Variants in WWC2 observed in about 807,000 individuals in gnomAD.
WWC2 encodes protein WWC2.
A neutral mutation model predicts 138.5 loss-of-function variants in WWC2; 101 were observed. The observed-to-expected ratio is 0.73, with a 90% CI of 0.62 to 0.86. WWC2 has a LOEUF of 0.86. Among genes scored for constraint, WWC2 ranks in the 40% least tolerant of loss-of-function variants. WWC2 has a pLI of 0.00. For missense variants in WWC2, 1,420 were observed against 1,419.4 expected (o/e 1.00, Z -0.01); for synonymous variants, 558 against 538.4 (o/e 1.04, Z -0.50).
chr4:183,204,416 A>G (rs984984860), intron 2 of WWC2, among the ~76,000 whole-genome samples: 3 of 152,194 alleles, frequency 2.0e-5, no homozygotes, highest in South Asian at 2.1e-4. Flanking sequence ...TAAGAGAGGT[A>G]AAATACTTAG....
chr4:183,261,117 T>C lies in WWC2; in HGVS notation c.1494T>C (p.Pro498=), dbSNP rs1560872621. The stretch of plus-strand genomic sequence containing the variant: ...TGCAAGAGAAAAGCGGTTACATTCC[T>C]TCTGGACCCATCACCACCATCCATG... The part of the protein sequence containing the change: ...FLLQEKSGYI[P]SGPITTIHEN... The change falls in exon 11 of 23, where the codon CCT becomes CCC. Residue 498 remains proline (P), a synonymous_variant. Coordinates refer to ENST00000403733, the MANE Select transcript of WWC2 (RefSeq NM_024949.6). 1 of 1,614,024 alleles carries C rather than the reference T, an allele frequency of 6.2e-7. No individual in the cohort carries two copies. Among genetic ancestry groups the C allele is most frequent in the East Asian group, 2.2e-5 (1 of 44,884 alleles).
rs1298708436 is a variant in WWC2, at chr4:183,318,013, A to G, written c.*2284A>G. The G allele has an allele frequency of 6.6e-6, 1 of 152,212 alleles. No homozygotes were observed. The highest frequency in any genetic ancestry group is 1.5e-5 in the Non-Finnish European group (1 of 68,020). The allele number at this position is 152,212 out of a possible 1,614,324, so 9.4% of individuals were successfully genotyped here. A position where few individuals can be genotyped will look rare whatever the true frequency, so the allele number is the denominator to read the frequency against. Reference sequence around the variant, plus strand: ...TTAATAATCTTGTCATATTTGTACTAACCCAAATGATTCACAGTGACAAAA... The same window carrying G: ...TTAATAATCTTGTCATATTTGTACTGACCCAAATGATTCACAGTGACAAAA... On this transcript the variant is annotated 3_prime_UTR_variant, in exon 23 of 23. Coordinates refer to ENST00000403733, the MANE Select transcript of WWC2 (RefSeq NM_024949.6).
At chr4:183,133,722 C>T (rs1278195947) in intron 1 of WWC2, among the ~76,000 whole-genome samples, 1 of 152,166 alleles carries the variant, frequency 6.6e-6, no homozygotes, top group Non-Finnish European at 1.5e-5. Context: ...GTCTTGAACT[C>T]CTCACCTCGT....
intron 1 of WWC2, among the ~76,000 whole-genome samples, chr4:183,116,772 A>G (rs192548242): frequency 4.6e-5 from 7 of 152,342 alleles, no homozygotes; most frequent in Middle Eastern, 3.4e-3. Flanking sequence ...GAATTAAACT[A>G]TTACTTTTTC....
At chr4:183,307,682 T>A (rs904856613) in intron 21 of WWC2, among the ~76,000 whole-genome samples, 1 of 152,180 alleles carries the variant, frequency 6.6e-6, no homozygotes, top group Non-Finnish European at 1.5e-5. Flanking sequence ...CTGCTCATGC[T>A]AAAAATAACT....
chr4:183,122,968 A>G (rs779379934), intron 1 of WWC2, among the ~76,000 whole-genome samples: 1 of 152,240 alleles, frequency 6.6e-6, no homozygotes, highest in Non-Finnish European at 1.5e-5. Context: ...AACTGCAATG[A>G]AAGACCATTT....
In WWC2 at chr4:183,259,713, A is replaced by C; in HGVS notation, c.1271A>C (p.His424Pro). 6.5e-7 allele frequency: 1 copy of C among 1,546,572 alleles called. No individual in the cohort carries two copies. The highest frequency in any genetic ancestry group is 1.2e-5 in the South Asian group (1 of 81,812). The change falls in exon 10 of 23, where the codon CAT becomes CCT. Residue 424 changes from histidine (H) to proline (P), a missense_variant. Coordinates refer to ENST00000403733, the MANE Select transcript of WWC2 (RefSeq NM_024949.6). ...ACTACTAAATTAACTACTTATTTGC[A>C]TTCACAACTTAAAAGGTGAGCTTAT... Reference protein sequence around the residue: ...EETTKLTTYLHSQLKSLSAST... With the variant: ...EETTKLTTYLPSQLKSLSAST...
At chr4:183,226,095 C>CTT (rs11321151) in intron 4 of WWC2, among the ~76,000 whole-genome samples, 72 of 113,496 alleles carry the variant, frequency 6.3e-4, no homozygotes, top group Admixed American at 8.4e-4. Context: ...CTTTTCTTTT[C>CTT]TTTTTTTTTT....
In WWC2 at chr4:183,253,905, C is replaced by G. The variant is rs1206112578; in HGVS notation, c.1102C>G (p.Gln368Glu). The change falls in exon 9 of 23, where the codon CAA (glutamine) becomes GAA (glutamate). Residue 368 changes from glutamine to glutamate, a missense_variant. Gln to Glu is a conservative substitution (Grantham distance 29). Transcript: ENST00000403733. ...LQFVTPQKRT[Q>E]DELERLEAER... ...GTTCGTCACCCCACAGAAACGTACCCAAGATGAATTAGAACGCCTAGAAGC... is the reference window on the plus strand; with the variant it reads ...GTTCGTCACCCCACAGAAACGTACCGAAGATGAATTAGAACGCCTAGAAGC... The G allele has an allele frequency of 6.2e-7, 1 of 1,613,690 alleles. No homozygotes were observed. Among genetic ancestry groups the G allele is most frequent in the South Asian group, 1.1e-5 (1 of 91,058 alleles).
chr4:183,254,738 C>T (rs750609783), intron 9 of WWC2, among the ~76,000 whole-genome samples: 38 of 152,244 alleles, frequency 2.5e-4, no homozygotes, highest in Non-Finnish European at 5.1e-4. Context: ...TGAGAACGAC[C>T]GCATGTACAT....
intron 1 of WWC2, among the ~76,000 whole-genome samples, chr4:183,172,632 G>A (rs749209837): frequency 1.3e-4 from 20 of 150,088 alleles, no homozygotes; most frequent in Non-Finnish European, 2.4e-4. Context: ...AAGTTTTTGG[G>A]TTTTGTTTTT....
At chr4:183,271,882 T>A (rs1737705489) in intron 16 of WWC2, among the ~76,000 whole-genome samples, 1 of 152,152 alleles carries the variant, frequency 6.6e-6, no homozygotes, top group Non-Finnish European at 1.5e-5. Flanking sequence ...GGTGCACGCC[T>A]GAAGTCCTTG....
chr4:183,282,915 T>C lies in WWC2; in HGVS notation c.2883+9T>C. 1 of 1,566,376 alleles carries C rather than the reference T, an allele frequency of 6.4e-7. No individual in the cohort carries two copies. The highest frequency in any genetic ancestry group is 8.7e-7 in the Non-Finnish European group (1 of 1,155,054). ...CTAGAATACCAACACTGGTGACTAT[T>C]CCGCTGTGCTGTCTTAAAACTGATA... On this transcript the variant is annotated intron_variant, in intron 18 of 22. Coordinates refer to ENST00000403733, the MANE Select transcript of WWC2 (RefSeq NM_024949.6).
chr4:183,140,999 A>G (rs1265026972), intron 1 of WWC2, among the ~76,000 whole-genome samples: 1 of 152,204 alleles, frequency 6.6e-6, no homozygotes, highest in Non-Finnish European at 1.5e-5. Context: ...TGTGCTCTGA[A>G]TAAGTGTAGC....
At chr4:183,250,861 T>G (rs1258307799) in intron 8 of WWC2, among the ~76,000 whole-genome samples, 1 of 152,204 alleles carries the variant, frequency 6.6e-6, no homozygotes, top group African/African-American at 2.4e-5. Context: ...GAACCAGATA[T>G]TGAAGTATAT....
At chr4:183,286,942 G>A (rs1424884721) in intron 20 of WWC2, among the ~76,000 whole-genome samples, 1 of 152,118 alleles carries the variant, frequency 6.6e-6, no homozygotes, top group African/African-American at 2.4e-5. Context: ...TGGTAGCTTT[G>A]GGGCAGGGTG....
intron 1 of WWC2, among the ~76,000 whole-genome samples, chr4:183,129,029 C>G (rs1446706162): frequency 6.6e-6 from 1 of 152,146 alleles, no homozygotes; most frequent in African/African-American, 2.4e-5. Context: ...GATTATTTGG[C>G]TCAACATAAG....
intron 19 of WWC2, 28 bp from the exon 20 acceptor site, chr4:183,285,939 A>ATT: frequency 1.4e-6 from 2 of 1,443,998 alleles, no homozygotes; most frequent in Non-Finnish European, 9.5e-7. Flanking sequence ...ATATGCAGTG[A>ATT]TTTTTTTTTT....
At chr4:183,141,654 A>G (rs993992731) in intron 1 of WWC2, among the ~76,000 whole-genome samples, 2 of 152,118 alleles carry the variant, frequency 1.3e-5, no homozygotes, top group African/African-American at 4.8e-5. Context: ...AGTATTTGCC[A>G]TTTCTGTAGG....
Sources: gnomAD v4.1 joint callset for allele counts (sites outside exome capture counted in the v4.1 genomes callset) on GRCh38, gnomAD v4.1.1 for gene constraint, MANE v1.5 for transcripts, NCBI Gene and HGNC (gene_info 2026-07-23, HGNC 2026-07-21) for gene names.